Variants in PAEP observed in about 807,000 individuals in gnomAD.
PAEP encodes the protein progestagen associated endometrial protein, also known as glycodelin.
Under a neutral mutation model 23.0 loss-of-function variants are expected in PAEP, and 28 were observed. That is an observed-to-expected ratio of 1.22 (90% confidence interval 0.90 to 1.67). The LOEUF (loss-of-function observed/expected upper bound fraction) is 1.67, where lower values mean the gene tolerates loss of function less well. Ranked by LOEUF, PAEP falls within the 40% of genes most tolerant of loss-of-function variation. The probability of loss-of-function intolerance (pLI) is 0.00; values close to 1 mark genes in which losing one functional copy is unlikely to be tolerated. For missense variants in PAEP, 209 were observed against 226.4 expected, an observed-to-expected ratio of 0.92 and a Z score of 0.49; for synonymous variants, 103 against 92.4, an observed-to-expected ratio of 1.12 and a Z score of -0.66.
intron 3 of PAEP, among the ~76,000 whole-genome samples, chr9:135,563,952 C>T (rs900945802): frequency 6.6e-5 from 10 of 152,172 alleles, no homozygotes; most frequent in African/African-American, 2.4e-4. Flanking sequence ...CTCACCCGTA[C>T]GTGACTTCTC....
intron 3 of PAEP, among the ~76,000 whole-genome samples, chr9:135,563,411 T>TAGGTATAC (rs1832421261): frequency 6.9e-6 from 1 of 144,814 alleles, no homozygotes; most frequent in African/African-American, 2.6e-5. Context: ...GACAGGTGGG[T>TAGGTATAC]AGGTGGACAG....
chr9:135,562,500 G>A, intron 2 of PAEP, 67 bp downstream of exon 2: 2 of 1,561,238 alleles, frequency 1.3e-6, no homozygotes, highest in South Asian at 1.2e-5. Context: ...GTCCAGGACT[G>A]GGTGGGTTGG....
At position 135,564,371 on chromosome 9, in the gene PAEP, A is replaced by C. The variant is rs1467964692; in HGVS notation, c.421+17A>C. The C allele has an allele frequency of 6.5e-7, 1 of 1,548,842 alleles. No homozygotes were observed. Among genetic ancestry groups the C allele is most frequent in the Non-Finnish European group, 8.7e-7 (1 of 1,146,296 alleles). On this transcript the variant is annotated intron_variant, in intron 4 of 6. Coordinates refer to ENST00000479141, the MANE Select transcript of PAEP (RefSeq NM_002571.4). ...AGTACCTGGGTGGGTCTCACAGCAC[A>C]TGAGCTCAACGTGGGTGAGAGGCAG...
At chr9:135,562,578 G>A in intron 2 of PAEP, 145 bp downstream of exon 2, 1 of 1,134,004 alleles carries the variant, frequency 8.8e-7, no homozygotes, top group East Asian at 2.4e-5. Context: ...TTCCATGAGG[G>A]TGGGGTGGAA....
In PAEP at chr9:135,566,821, C is replaced by T. The variant is rs181133290; in HGVS notation, c.*269C>T. The T allele has an allele frequency of 4.2e-4, 65 of 154,868 alleles. No homozygotes were observed. The highest frequency in any genetic ancestry group is 1.3e-3 in the African/African-American group (56 of 41,630). 9.6% of individuals were successfully genotyped at this position (154,868 alleles called of 1,614,324 possible). On this transcript the variant is annotated 3_prime_UTR_variant, in exon 7 of 7. Coordinates refer to ENST00000479141, the MANE Select transcript of PAEP (RefSeq NM_002571.4). The stretch of plus-strand genomic sequence containing the variant: ...CACTGCTGGGTGTGGGATTCAGGGA[C>T]GAGGGCCTGGGGTCGGGGCAGGCCC...
intron 4 of PAEP, 134 bp downstream of exon 4, chr9:135,564,488 T>G (rs1224543585): frequency 4.1e-6 from 6 of 1,463,592 alleles, no homozygotes; most frequent in Non-Finnish European, 5.4e-6. Flanking sequence ...TTTCTTGGTT[T>G]TTTTTATTTG....
chr9:135,562,541 T>G, intron 2 of PAEP, 108 bp downstream of exon 2: 1 of 1,380,722 alleles, frequency 7.2e-7, no homozygotes, highest in Non-Finnish European at 9.9e-7. Flanking sequence ...AGGCATTTTC[T>G]GACAGCCAGG....
intron 1 of PAEP, among the ~76,000 whole-genome samples, 173 bp from the exon 2 acceptor site, chr9:135,562,121 G>GCA (rs1392796209): frequency 6.6e-6 from 1 of 152,196 alleles, no homozygotes; most frequent in African/African-American, 2.4e-5. Flanking sequence ...TCCTGAGTTA[G>GCA]CACACACTGG....
At chr9:135,565,594 T>A in intron 5 of PAEP, 80 bp downstream of exon 5, 1 of 1,430,734 alleles carries the variant, frequency 7.0e-7, no homozygotes, top group South Asian at 1.1e-5. Flanking sequence ...CTGCTGGCTC[T>A]GCAGGACTCA....
chr9:135,566,847 A>C lies in PAEP; in HGVS notation c.*295A>C, dbSNP rs1221472334. 6.5e-6 allele frequency: 1 copy of C among 154,338 alleles called. No homozygotes were observed. Among genetic ancestry groups the C allele is most frequent in the African/African-American group, 2.4e-5 (1 of 41,524 alleles). 9.6% of individuals were successfully genotyped at this position (154,338 alleles called of 1,614,324 possible). A position where few individuals can be genotyped will look rare whatever the true frequency, so the allele number is the denominator to read the frequency against. The stretch of plus-strand genomic sequence containing the variant: ...GAGGGCCTGGGGTCGGGGCAGGCCC[A>C]GGCCACCGCCTGGCAGAACCGGAGC... On this transcript the variant is annotated 3_prime_UTR_variant, in exon 7 of 7. Transcript: ENST00000479141.
chr9:135,562,336 A>G lies in PAEP; in HGVS notation c.139A>G (p.Ile47Val), dbSNP rs1832340539. 6.2e-7 allele frequency: 1 copy of G among 1,613,796 alleles called. No homozygotes were observed. The highest frequency in any genetic ancestry group is 1.7e-5 in the Admixed American group (1 of 59,986). The stretch of plus-strand genomic sequence containing the variant: ...CTCCATGGCCATGGCGACCAACAAC[A>G]TCTCCCTCATGGCGACACTGAAGGC... ...WHSMAMATNN[I>V]SLMATLKAPL... Residue 47 changes from isoleucine to valine, a missense_variant, in exon 2 of 7, where the codon ATC becomes GTC. Coordinates refer to ENST00000479141, the MANE Select transcript of PAEP (RefSeq NM_002571.4).
At position 135,565,311 on chromosome 9, in the gene PAEP, G is replaced by C. The variant is rs1418503826; in HGVS notation, c.422-99G>C. On this transcript the variant is annotated intron_variant, in intron 4 of 6. Coordinates refer to ENST00000479141, the MANE Select transcript of PAEP (RefSeq NM_002571.4). The stretch of plus-strand genomic sequence containing the variant: ...CTCTGCCAGACCTCGGAGCACTGGG[G>C]CCTCCTTCTCTGCCCTCCCTCCTCA... 1.2e-5 allele frequency: 12 copies of C among 982,696 alleles called. No homozygotes were observed. In the Admixed American group the frequency reaches 2.1e-4, roughly 18 times the overall value. 60.9% of individuals were successfully genotyped at this position (982,696 alleles called of 1,614,324 possible). A position where few individuals can be genotyped will look rare whatever the true frequency, so the allele number is the denominator to read the frequency against.
intron 1 of PAEP, 30 bp downstream of exon 1, chr9:135,561,927 T>G (rs1386129577): frequency 1.4e-6 from 2 of 1,458,410 alleles, no homozygotes; most frequent in South Asian, 1.2e-5. Context: ...GGCACTTTAC[T>G]GTGGGAGGCC....
At chr9:135,563,445 G>C (rs1405189284) in intron 3 of PAEP, among the ~76,000 whole-genome samples, 1 of 150,446 alleles carries the variant, frequency 6.6e-6, no homozygotes, top group Non-Finnish European at 1.5e-5. Flanking sequence ...TAGGTGAACA[G>C]GTGGGTGGGT....
Position 135,561,807 on chromosome 9 carries a change from G to C in PAEP, c.6G>C (p.Leu2=). The change falls in exon 1 of 7, where the codon CTG becomes CTC. Residue 2 remains leucine, a synonymous_variant. Coordinates refer to ENST00000479141, the MANE Select transcript of PAEP (RefSeq NM_002571.4). M[L]CLLLTLGVAL... ...AGCCACCCACAGCCGCAGCCATGCT[G>C]TGCCTCCTGCTCACCCTGGGCGTGG... is the stretch of plus-strand genomic sequence containing the variant. 6.4e-7 allele frequency: 1 copy of C among 1,551,952 alleles called. No individual in the cohort carries two copies. Among genetic ancestry groups the C allele is most frequent in the Non-Finnish European group, 8.7e-7 (1 of 1,146,808 alleles).
chr9:135,561,828 C>G lies in PAEP; in HGVS notation c.27C>G (p.Gly9=). The change falls in exon 1 of 7, where the codon GGC becomes GGG. Residue 9 remains glycine (G), a synonymous_variant. Coordinates refer to ENST00000479141, the MANE Select transcript of PAEP (RefSeq NM_002571.4). The stretch of plus-strand genomic sequence containing the variant: ...TGCTGTGCCTCCTGCTCACCCTGGG[C>G]GTGGCCCTGGTCTGTGGTGTCCCGG... MLCLLLTL[G]VALVCGVPAM... is the part of the protein sequence containing the mutation. The G allele has an allele frequency of 3.2e-6, 5 of 1,558,288 alleles. No individual in the cohort carries two copies. The highest frequency in any genetic ancestry group is 4.3e-6 in the Non-Finnish European group (5 of 1,150,426).
In PAEP at chr9:135,562,807, C is replaced by T. The variant is rs1832373911; in HGVS notation, c.237-13C>T. ...TTCAAGTGGCCACTCATCCTATTGT[C>T]ACCACCTTTCAGGGAGAACAACAGC... is the stretch of plus-strand genomic sequence containing the variant. On this transcript the variant is annotated splice_polypyrimidine_tract_variant and intron_variant, in intron 2 of 6. Coordinates refer to ENST00000479141, the MANE Select transcript of PAEP (RefSeq NM_002571.4). The T allele has an allele frequency of 6.2e-7, 1 of 1,609,702 alleles. No homozygotes were observed. Among genetic ancestry groups the T allele is most frequent in the Non-Finnish European group, 8.5e-7 (1 of 1,176,520 alleles).
chr9:135,564,000 C>T (rs1000489982), intron 3 of PAEP, among the ~76,000 whole-genome samples: 1 of 152,198 alleles, frequency 6.6e-6, no homozygotes, highest in African/African-American at 2.4e-5. Flanking sequence ...CCCTGCCTGC[C>T]GTGTCTGCCT....
At chr9:135,562,526 G>T in intron 2 of PAEP, 93 bp downstream of exon 2, 1 of 1,469,572 alleles carries the variant, frequency 6.8e-7, no homozygotes, top group East Asian at 2.3e-5. Flanking sequence ...GCTGGACTTA[G>T]CCCCAGGCAT....
Sources: allele counts gnomAD v4.1 joint callset (sites outside exome capture counted in the v4.1 genomes callset), GRCh38; gene constraint gnomAD v4.1.1; transcripts MANE v1.5; gene names NCBI Gene and HGNC (gene_info 2026-07-23, HGNC 2026-07-21).